Variants in SLC35D4 observed in about 807,000 individuals in gnomAD.
SLC35D4 encodes UDP-N-acetylglucosamine transporter SLC35D4.
At chr18:23,252,626 C>G in the SLC35D4 span, among the ~76,000 whole-genome samples, 3 of 152,158 alleles carry the variant, frequency 2.0e-5, no homozygotes, top group African/African-American at 7.2e-5. Flanking sequence ...ACATCCAAGC[C>G]CCACGCGCTT....
chr18:23,308,099 G>A, the SLC35D4 span, among the ~76,000 whole-genome samples: 594 of 152,316 alleles, frequency 3.9e-3, 2 homozygotes, highest in Non-Finnish European at 4.7e-3. Flanking sequence ...TTAGCAAGGC[G>A]ACAGGAAAAA....
the SLC35D4 span, among the ~76,000 whole-genome samples, chr18:23,325,452 G>A: frequency 6.6e-6 from 1 of 152,074 alleles, no homozygotes; most frequent in Admixed American, 6.5e-5. Context: ...CACAGGAGGG[G>A]CTTGAGTGTG....
At chr18:23,266,062 C>T in the SLC35D4 span, among the ~76,000 whole-genome samples, 1 of 152,094 alleles carries the variant, frequency 6.6e-6, no homozygotes, top group Non-Finnish European at 1.5e-5. Context: ...GTGACAGATA[C>T]TCTCAGGGGA....
the SLC35D4 span, among the ~76,000 whole-genome samples, chr18:23,262,343 G>A: frequency 6.6e-6 from 1 of 152,196 alleles, no homozygotes; most frequent in African/African-American, 2.4e-5. Flanking sequence ...GCTCAGATGA[G>A]GCCTGGATCC....
At chr18:23,275,900 A>G in the SLC35D4 span, among the ~76,000 whole-genome samples, 1 of 152,230 alleles carries the variant, frequency 6.6e-6, no homozygotes, top group East Asian at 1.9e-4. Flanking sequence ...AGGCAAATTC[A>G]TACACACAGG....
the SLC35D4 span, among the ~76,000 whole-genome samples, chr18:23,299,524 G>A: frequency 5.9e-5 from 9 of 152,208 alleles, no homozygotes; most frequent in African/African-American, 2.2e-4. Context: ...GGGGTTGGCG[G>A]GGACTGACTG....
At chr18:23,417,730 G>GA in the SLC35D4 span, among the ~76,000 whole-genome samples, 1 of 152,070 alleles carries the variant, frequency 6.6e-6, no homozygotes, top group African/African-American at 2.4e-5. Context: ...TTTTTCATGG[G>GA]AAAAATGGCA....
At chr18:23,412,217 G>C in the SLC35D4 span, among the ~76,000 whole-genome samples, 3 of 152,184 alleles carry the variant, frequency 2.0e-5, no homozygotes, top group African/African-American at 7.2e-5. Flanking sequence ...TACTTGGGAG[G>C]CTGAGGCAGG....
the SLC35D4 span, among the ~76,000 whole-genome samples, chr18:23,416,298 G>A: frequency 4.3e-3 from 655 of 152,280 alleles, 10 homozygotes; most frequent in African/African-American, 0.015. Context: ...CATGGCCTAT[G>A]CTGCCCAGTC....
the SLC35D4 span, among the ~76,000 whole-genome samples, chr18:23,391,493 C>T: frequency 6.6e-6 from 1 of 152,184 alleles, no homozygotes; most frequent in South Asian, 2.1e-4. Flanking sequence ...CTCAGGAAAA[C>T]TTCAATTAGT....
chr18:23,427,621 A>G, the SLC35D4 span, among the ~76,000 whole-genome samples: 2 of 152,238 alleles, frequency 1.3e-5, no homozygotes, highest in African/African-American at 4.8e-5. Flanking sequence ...CGACTCCTCA[A>G]GGATCCAGAA....
chr18:23,420,612 G>A, the SLC35D4 span, among the ~76,000 whole-genome samples: 1 of 151,998 alleles, frequency 6.6e-6, no homozygotes, highest in African/African-American at 2.4e-5. Flanking sequence ...TTGGGTTCAA[G>A]TGATCTTCCT....
the SLC35D4 span, among the ~76,000 whole-genome samples, chr18:23,386,124 CAAAA>C: frequency 4.9e-5 from 2 of 41,130 alleles, no homozygotes; most frequent in African/African-American, 1.8e-4. Context: ...GACTCTGTCT[CAAAA>C]AAAAAAAAAA....
chr18:23,369,757 G>A, the SLC35D4 span, among the ~76,000 whole-genome samples: 1 of 152,168 alleles, frequency 6.6e-6, no homozygotes, highest in Non-Finnish European at 1.5e-5. Context: ...AAGAGGGCCG[G>A]CTTCAAGGAC....
At chr18:23,357,870 G>C in the SLC35D4 span, among the ~76,000 whole-genome samples, 2 of 152,326 alleles carry the variant, frequency 1.3e-5, no homozygotes, top group Admixed American at 1.3e-4. Flanking sequence ...GATTTCTTGG[G>C]ATCTGGTTTT....
the SLC35D4 span, among the ~76,000 whole-genome samples, chr18:23,292,596 C>T: frequency 6.6e-6 from 1 of 152,194 alleles, no homozygotes; most frequent in Non-Finnish European, 1.5e-5. Flanking sequence ...AACTGACAAC[C>T]CCTGTGAAAC....
chr18:23,404,318 G>A, the SLC35D4 span, among the ~76,000 whole-genome samples: 2 of 152,298 alleles, frequency 1.3e-5, no homozygotes, highest in East Asian at 3.9e-4. Context: ...AGGAGTTGGT[G>A]TCTTGTGGGA....
At chr18:23,296,628 A>G in the SLC35D4 span, 1 of 152,098 alleles carries the variant, frequency 6.6e-6, no homozygotes, top group Admixed American at 6.6e-5. Flanking sequence ...TTTTAATACA[A>G]TTTTTCATCT....
the SLC35D4 span, among the ~76,000 whole-genome samples, chr18:23,293,005 C>T: frequency 1.2e-4 from 19 of 152,062 alleles, no homozygotes; most frequent in African/African-American, 3.9e-4. Flanking sequence ...TTTGGGAGGC[C>T]GAGGTGGGCG....
Sources: allele counts gnomAD v4.1 joint callset (sites outside exome capture counted in the v4.1 genomes callset), GRCh38; gene constraint gnomAD v4.1.1; transcripts MANE v1.5; gene names NCBI Gene and HGNC (gene_info 2026-07-23, HGNC 2026-07-21).